Variants in AP3D1 observed in about 807,000 individuals in gnomAD.
The protein encoded by AP3D1 is adaptor related protein complex 3 subunit delta 1, also known as AP-3 complex subunit delta-1.
In AP3D1, 51 loss-of-function variants were observed where a neutral mutation model predicts 147.6. That is an observed-to-expected ratio of 0.35 (90% CI 0.28 to 0.44). The LOEUF (loss-of-function observed/expected upper bound fraction) is 0.44. Among genes scored for constraint, AP3D1 ranks in the 20% least tolerant of loss-of-function variants. The pLI, the probability that AP3D1 is intolerant of heterozygous loss-of-function variation, is 1.00. For synonymous variants in AP3D1, 760 were observed against 663.0 expected (o/e 1.15, Z -2.25); for missense variants, 1,421 against 1,624.2 (o/e 0.87, Z 2.15).
intron 4 of AP3D1, among the ~76,000 whole-genome samples, chr19:2,134,235 G>C (rs2019020689): frequency 6.6e-6 from 1 of 151,990 alleles, no homozygotes; most frequent in Non-Finnish European, 1.5e-5. Context: ...GCAACGCAGT[G>C]AAACCCTCCC....
In AP3D1 at chr19:2,145,165, G is replaced by C. The variant is rs543198700; in HGVS notation, c.96+6074C>G. Among the ~76,000 whole-genome samples, 6 of 152,340 alleles carry C rather than the reference G, an allele frequency of 3.9e-5. No homozygotes were observed. The South Asian group carries it at 1.2e-3, about 32-fold the overall frequency. On this transcript the variant is annotated intron_variant, in intron 1 of 31. Transcript: ENST00000643116. Reference sequence around the variant, plus strand: ...ATCACAGGACAGGACAAAACACCAGGAAGGACGTGAGGCTCCATCTGGACC... The same window carrying C: ...ATCACAGGACAGGACAAAACACCAGCAAGGACGTGAGGCTCCATCTGGACC...
At chr19:2,146,421 C>T (rs2019357567) in intron 1 of AP3D1, among the ~76,000 whole-genome samples, 1 of 151,904 alleles carries the variant, frequency 6.6e-6, no homozygotes, top group African/African-American at 2.4e-5. Flanking sequence ...CTGGCCGATA[C>T]AGTGAAACCC....
chr19:2,137,921 C>T (rs1442396324), intron 2 of AP3D1, 114 bp from the exon 3 acceptor site: 5 of 884,522 alleles, frequency 5.7e-6, no homozygotes, highest in South Asian at 1.6e-5. Flanking sequence ...GACTCATTCA[C>T]TGTCAGCAAA....
In AP3D1 at chr19:2,116,667, C is replaced by T. The variant is rs751036458; in HGVS notation, c.1939G>A (p.Glu647Lys). 1.9e-6 allele frequency: 3 copies of T among 1,607,558 alleles called. No homozygotes were observed. Among genetic ancestry groups the T allele is most frequent in the Admixed American group, 1.7e-5 (1 of 59,452 alleles). The change falls in exon 17 of 32, where the codon GAG becomes AAG. Residue 647 changes from glutamate (E) to lysine (K), a missense_variant. Glu to Lys is a moderately conservative substitution (Grantham distance 56). Coordinates refer to ENST00000643116, the MANE Select transcript of AP3D1 (RefSeq NM_001261826.3). Reference sequence around the variant, plus strand: ...TGCTTGGGACGCCGCTGCTCCTCCTCGTGGAAGACGGCCCTGGGCCTCTCG... The same window carrying T: ...TGCTTGGGACGCCGCTGCTCCTCCTTGTGGAAGACGGCCCTGGGCCTCTCG... The part of the protein sequence containing the change: ...EDERPRAVFH[E>K]EEQRRPKHRP...
Position 2,121,181 on chromosome 19 carries a change from T to C in AP3D1, c.1232A>G (p.Tyr411Cys). 6.2e-7 allele frequency: 1 copy of C among 1,614,192 alleles called. No homozygotes were observed. Among genetic ancestry groups the C allele is most frequent in the Non-Finnish European group, 8.5e-7 (1 of 1,180,016 alleles). ...GACGCACCACTCGAAGTTGGTGATG[T>C]ACTGGTAGTTGGACTGGCTGCAGAT... ...IDICSQSNYQ[Y>C]ITNFEWYISI... Residue 411 changes from tyrosine (Y) to cysteine (C), a missense_variant, in exon 13 of 32, where the codon TAC becomes TGC. By Grantham distance (194) the Tyr-to-Cys change is radical. This residue lies in a region of AP3D1 where 310 missense variants were observed against 388.1 expected (regional missense o/e 0.80). Coordinates refer to ENST00000643116, the MANE Select transcript of AP3D1 (RefSeq NM_001261826.3).
intron 31 of AP3D1, among the ~76,000 whole-genome samples, chr19:2,103,092 C>G (rs1043277911): frequency 6.6e-6 from 1 of 152,202 alleles, no homozygotes; most frequent in Admixed American, 6.5e-5. Flanking sequence ...CCACTGCACA[C>G]CAGCCTGGGC....
chr19:2,110,532 T>C (rs2018241440), intron 27 of AP3D1, among the ~76,000 whole-genome samples, 175 bp downstream of exon 27: 1 of 151,982 alleles, frequency 6.6e-6, no homozygotes, highest in African/African-American at 2.4e-5. Context: ...CCGAGGCCAT[T>C]GCGCTTCTCA....
chr19:2,141,765 G>T (rs894489060), intron 1 of AP3D1, among the ~76,000 whole-genome samples: 1 of 150,658 alleles, frequency 6.6e-6, no homozygotes, highest in Non-Finnish European at 1.5e-5. Context: ...ATTGAGATAG[G>T]GTCTTCCTCT....
chr19:2,127,445 G>A (rs2018788078), intron 8 of AP3D1, among the ~76,000 whole-genome samples: 1 of 152,208 alleles, frequency 6.6e-6, no homozygotes, highest in African/African-American at 2.4e-5. Flanking sequence ...ATCCACGCAG[G>A]GACGGACCAC....
At chr19:2,144,379 G>A (rs2019303540) in intron 1 of AP3D1, among the ~76,000 whole-genome samples, 1 of 152,178 alleles carries the variant, frequency 6.6e-6, no homozygotes, top group African/African-American at 2.4e-5. Flanking sequence ...CGGCCACCCT[G>A]AGGCAGCATG....
chr19:2,156,560 A>G (rs1396608774), upstream of AP3D1, among the ~76,000 whole-genome samples: 1 of 151,490 alleles, frequency 6.6e-6, no homozygotes, highest in Non-Finnish European at 1.5e-5. Context: ...GTTTATTGAA[A>G]AAAAACAGGG....
At chr19:2,105,308 G>A (rs1250484266) in intron 31 of AP3D1, among the ~76,000 whole-genome samples, 1 of 152,240 alleles carries the variant, frequency 6.6e-6, no homozygotes, top group African/African-American at 2.4e-5. Context: ...ACTGTGACAT[G>A]TTCATAATGG....
At chr19:2,106,156 G>A (rs551928804) in intron 31 of AP3D1, among the ~76,000 whole-genome samples, 4 of 152,250 alleles carry the variant, frequency 2.6e-5, no homozygotes, top group Admixed American at 6.5e-5. Context: ...CCTCCTGCAC[G>A]GCAGCAGGCG....
intron 29 of AP3D1, 139 bp downstream of exon 29, chr19:2,109,734 C>A (rs1233911818): frequency 3.7e-6 from 3 of 804,008 alleles, no homozygotes; most frequent in Non-Finnish European, 6.1e-6. Context: ...GCCTGACCTG[C>A]ACCAGTCACG....
At chr19:2,135,686 C>T (rs1599482155) in intron 4 of AP3D1, among the ~76,000 whole-genome samples, 1 of 152,204 alleles carries the variant, frequency 6.6e-6, no homozygotes, top group South Asian at 2.1e-4. Context: ...AGGTCAGAGC[C>T]GCGCCCGACA....
chr19:2,143,602 A>T (rs2019280515), intron 1 of AP3D1, among the ~76,000 whole-genome samples: 1 of 151,992 alleles, frequency 6.6e-6, no homozygotes, highest in South Asian at 2.1e-4. Context: ...GTTTCAAAAA[A>T]ATCAAAAAAT....
intron 14 of AP3D1, 26 bp from the exon 15 acceptor site, chr19:2,118,858 C>T: frequency 6.3e-7 from 1 of 1,598,452 alleles, no homozygotes; most frequent in Non-Finnish European, 8.5e-7. Flanking sequence ...ACTGTGAGCC[C>T]CCAGGATGCC....
chr19:2,143,366 A>G (rs1469766319), intron 1 of AP3D1, among the ~76,000 whole-genome samples: 1 of 146,882 alleles, frequency 6.8e-6, no homozygotes, highest in Non-Finnish European at 1.5e-5. Context: ...TCAGCCTCCC[A>G]AGTAGCTGGG....
intron 2 of AP3D1, among the ~76,000 whole-genome samples, chr19:2,138,146 GGACCCTGGACGA>G (rs1455657693): frequency 6.6e-6 from 1 of 152,196 alleles, no homozygotes; most frequent in Non-Finnish European, 1.5e-5. Flanking sequence ...GCAGCATGGG[GGACCCTGGACGA>G]GCCCTTTGTC....
Sources: allele counts gnomAD v4.1 joint callset (sites outside exome capture counted in the v4.1 genomes callset), GRCh38; gene constraint gnomAD v4.1.1; regional missense constraint gnomAD v4.1.1; transcripts MANE v1.5; gene names NCBI Gene and HGNC (gene_info 2026-07-23, HGNC 2026-07-21).